Variants in ZFHX4 observed in about 807,000 individuals in gnomAD.
ZFHX4 encodes the protein zinc finger homeobox protein 4.
A neutral mutation model predicts 267.6 loss-of-function variants in ZFHX4; 56 were observed. That is an observed-to-expected ratio of 0.21 (90% CI 0.17 to 0.26). ZFHX4 has a LOEUF of 0.26. ZFHX4 is among the 10% of genes least tolerant of loss of function. The probability of loss-of-function intolerance (pLI) is 1.00; values close to 1 mark genes in which losing one functional copy is unlikely to be tolerated. For missense variants in ZFHX4, 4,332 were observed against 4,420.0 expected (o/e 0.98, Z 0.56); for synonymous variants, 1,778 against 1,665.6 (o/e 1.07, Z -1.64).
intron 3 of ZFHX4, among the ~76,000 whole-genome samples, chr8:76,762,792 G>A (rs566731110): frequency 6.6e-6 from 1 of 152,192 alleles, no homozygotes; most frequent in African/African-American, 2.4e-5. Flanking sequence ...TGTAATCATC[G>A]TATTGACTCT....
At chr8:76,774,707 T>A (rs1430051464) in intron 3 of ZFHX4, among the ~76,000 whole-genome samples, 2 of 152,134 alleles carry the variant, frequency 1.3e-5, no homozygotes, top group African/African-American at 4.8e-5. Flanking sequence ...TTCCTGACTT[T>A]ACATACATAA....
At chr8:76,747,241 A>G (rs924542885) in intron 3 of ZFHX4, among the ~76,000 whole-genome samples, 1 of 152,200 alleles carries the variant, frequency 6.6e-6, no homozygotes, top group Non-Finnish European at 1.5e-5. Context: ...AAAAGAAAAT[A>G]AAGCATGCTC....
At chr8:76,825,655 C>T (rs866245560) in intron 4 of ZFHX4, among the ~76,000 whole-genome samples, 7 of 152,200 alleles carry the variant, frequency 4.6e-5, no homozygotes, top group African/African-American at 1.7e-4. Flanking sequence ...TTCTCTGATT[C>T]TTCACAGCAA....
rs1461432903 is a variant in ZFHX4, at chr8:76,865,302, A to G, written c.*737A>G. 2 of 152,588 alleles carry G rather than the reference A, an allele frequency of 1.3e-5. No individual in the cohort carries two copies. The highest frequency in any genetic ancestry group is 4.8e-5 in the African/African-American group (2 of 41,424). 9.5% of individuals were successfully genotyped at this position (152,588 alleles called of 1,614,324 possible). A position where few individuals can be genotyped will look rare whatever the true frequency, so the allele number is the denominator to read the frequency against. Reference sequence around the variant, plus strand: ...TATACTAATAATCTGTGCCAACTCTACCTTCTCACTTTTACCTCTGACGTC... The same window carrying G: ...TATACTAATAATCTGTGCCAACTCTGCCTTCTCACTTTTACCTCTGACGTC... On this transcript the variant is annotated 3_prime_UTR_variant, in exon 11 of 11. Transcript: ENST00000651372.
Position 76,706,148 on chromosome 8 carries a change from C to T in ZFHX4, c.2060C>T (p.Ala687Val). 1 of 1,613,942 alleles carries T rather than the reference C, an allele frequency of 6.2e-7. No homozygotes were observed. Among genetic ancestry groups the T allele is most frequent in the African/African-American group, 1.3e-5 (1 of 75,000 alleles). The change falls in exon 2 of 11, where the codon GCC becomes GTC. Residue 687 changes from alanine to valine, a missense_variant. Around this residue, in one of 7 missense-constraint regions of ZFHX4, gnomAD observed 1,195 missense variants for 1,173.6 expected, o/e 1.02. Transcript: ENST00000651372. The part of the protein sequence containing the change: ...CKTGQPHPRL[A>V]RGESYTCGYK... ...ACTGGACAGCCTCACCCCAGGCTTG[C>T]CCGGGGTGAGAGTTACACGTGTGGC...
At chr8:76,842,259 T>C (rs1489078873) in intron 5 of ZFHX4, among the ~76,000 whole-genome samples, 1 of 152,170 alleles carries the variant, frequency 6.6e-6, no homozygotes, top group Non-Finnish European at 1.5e-5. Context: ...AGATTTTTTT[T>C]CTAAGAATCT....
At chr8:76,788,420 A>G (rs1377248240) in intron 4 of ZFHX4, among the ~76,000 whole-genome samples, 4 of 152,176 alleles carry the variant, frequency 2.6e-5, no homozygotes, top group Non-Finnish European at 5.9e-5. Flanking sequence ...TCAGTTACAT[A>G]TTGAATTTTA....
intron 3 of ZFHX4, among the ~76,000 whole-genome samples, chr8:76,722,722 AG>A (rs1808756188): frequency 6.6e-6 from 1 of 151,952 alleles, no homozygotes; most frequent in Non-Finnish European, 1.5e-5. Flanking sequence ...TTGAAAAAAA[AG>A]GGATTCTGAG....
At chr8:76,823,527 C>T (rs1293538148) in intron 4 of ZFHX4, among the ~76,000 whole-genome samples, 1 of 152,182 alleles carries the variant, frequency 6.6e-6, no homozygotes, top group Non-Finnish European at 1.5e-5. Flanking sequence ...GCTATGAATA[C>T]TTTCACTAAC....
intron 5 of ZFHX4, among the ~76,000 whole-genome samples, chr8:76,838,945 C>T (rs1812160810): frequency 6.6e-6 from 1 of 151,876 alleles, no homozygotes. Context: ...GTCCCAGCCA[C>T]TTGGGAGGCT....
intron 3 of ZFHX4, among the ~76,000 whole-genome samples, chr8:76,737,691 T>G (rs1470197771): frequency 6.6e-6 from 1 of 152,210 alleles, no homozygotes; most frequent in Admixed American, 6.5e-5. Context: ...CTTTGCATAG[T>G]GCCTGGAACA....
chr8:76,811,856 G>A (rs1050384468), intron 4 of ZFHX4, among the ~76,000 whole-genome samples: 6 of 152,138 alleles, frequency 3.9e-5, no homozygotes, highest in African/African-American at 7.2e-5. Flanking sequence ...CCCGGGAGGC[G>A]GAGGTTGCTG....
intron 4 of ZFHX4, among the ~76,000 whole-genome samples, chr8:76,791,105 A>G (rs1810824346): frequency 6.6e-6 from 1 of 152,208 alleles, no homozygotes; most frequent in African/African-American, 2.4e-5. Context: ...TGAAAAACTG[A>G]TTAAACATAG....
chr8:76,800,988 G>A (rs1056226495), intron 4 of ZFHX4, among the ~76,000 whole-genome samples: 4 of 152,134 alleles, frequency 2.6e-5, no homozygotes, highest in African/African-American at 4.8e-5. Flanking sequence ...TGGCCAACCA[G>A]CAATTGTCAT....
chr8:76,852,953 C>T lies in ZFHX4; in HGVS notation c.6032C>T (p.Pro2011Leu), dbSNP rs1446914474. The change falls in exon 10 of 11, where the codon CCC becomes CTC. Residue 2011 changes from proline (P) to leucine (L), a missense_variant. By Grantham distance (98) the Pro-to-Leu change is moderately conservative (BLOSUM62 -3). Coordinates refer to ENST00000651372, the MANE Select transcript of ZFHX4 (RefSeq NM_024721.5). ...ETPPPPPPPP[P>L]LPPAPPQPSS... The stretch of plus-strand genomic sequence containing the variant: ...CCGCCCCCGCCACCTCCTCCTCCTC[C>T]CTTGCCTCCGGCTCCTCCACAGCCT... The T allele has an allele frequency of 6.4e-7, 1 of 1,574,328 alleles. No homozygotes were observed. Among genetic ancestry groups the T allele is most frequent in the Non-Finnish European group, 8.6e-7 (1 of 1,158,974 alleles).
rs772622930 is a variant in ZFHX4, at chr8:76,707,649, C to T, written c.2694C>T (p.Asp898=). 1.5e-5 allele frequency: 25 copies of T among 1,613,832 alleles called. 1 individual carries two copies. In the South Asian group the frequency reaches 2.7e-4, roughly 18 times the overall value. The change falls in exon 3 of 11, where the codon GAC becomes GAT. Residue 898 remains aspartate (D), a synonymous_variant. Transcript: ENST00000651372. ...TAGELSPYIS[D]PALKLFQCAV... is the part of the protein sequence containing the mutation. ...GAGAGCTGTCACCTTATATCAGTGA[C>T]CCAGCGCTGAAGCTATTCCAGTGTG...
intron 3 of ZFHX4, among the ~76,000 whole-genome samples, chr8:76,761,839 C>T (rs1446083433): frequency 1.3e-5 from 2 of 152,130 alleles, no homozygotes; most frequent in Non-Finnish European, 2.9e-5. Context: ...ATCTCTTTGC[C>T]TCTGTACATA....
chr8:76,848,215 G>T (rs1812414379), intron 6 of ZFHX4, among the ~76,000 whole-genome samples: 1 of 152,158 alleles, frequency 6.6e-6, no homozygotes. Flanking sequence ...CCTTGCAGAG[G>T]AGATTATCGG....
In ZFHX4 at chr8:76,863,099, A is replaced by G. The variant is rs1812913320; in HGVS notation, c.9385A>G (p.Thr3129Ala). The G allele has an allele frequency of 4.6e-6, 7 of 1,509,176 alleles. No individual in the cohort carries two copies. Among genetic ancestry groups the G allele is most frequent in the African/African-American group, 2.8e-5 (2 of 71,724 alleles). 93.5% of individuals were successfully genotyped at this position (1,509,176 alleles called of 1,614,324 possible). ...PGFPQNSNTL[T>A]PPGAGMLGFP... ...CTCTCTGTTGTTGTTTTCAGCTTTA[A>G]CACCTCCCGGTGCAGGCATGCTTGG... Residue 3129 changes from threonine to alanine, a missense_variant, in exon 11 of 11, where the codon ACA becomes GCA. Transcript: ENST00000651372.
Sources: allele counts gnomAD v4.1 joint callset (sites outside exome capture counted in the v4.1 genomes callset), GRCh38; gene constraint gnomAD v4.1.1; regional missense constraint gnomAD v4.1.1; transcripts MANE v1.5; gene names NCBI Gene and HGNC (gene_info 2026-07-23, HGNC 2026-07-21).